Variants in ARHGAP11B observed in about 807,000 individuals in gnomAD.
The protein encoded by ARHGAP11B is inactive Rho GTPase-activating protein 11B.
A neutral mutation model predicts 27.6 loss-of-function variants in ARHGAP11B; 14 were observed. The observed-to-expected ratio is 0.51, with a 90% CI of 0.34 to 0.79. ARHGAP11B has a LOEUF of 0.79. ARHGAP11B is among the 30% of genes least tolerant of loss of function. The pLI is 0.02. For missense variants in ARHGAP11B, 245 were observed against 320.1 expected, an observed-to-expected ratio of 0.77 and a Z score of 1.79; for synonymous variants, 82 against 114.1, an observed-to-expected ratio of 0.72 and a Z score of 1.80.
chr15:30,640,413 T>TA (rs2060308403), intron 7 of ARHGAP11B, among the ~76,000 whole-genome samples: 1 of 121,600 alleles, frequency 8.2e-6, no homozygotes, highest in Non-Finnish European at 1.7e-5. Flanking sequence ...CAGAGAGTAA[T>TA]AGAGTATGAT....
At chr15:30,636,801 C>T (rs187906501) in intron 6 of ARHGAP11B, among the ~76,000 whole-genome samples, 7 of 152,166 alleles carry the variant, frequency 4.6e-5, no homozygotes, top group African/African-American at 1.2e-4. Context: ...GGCTTGCAGC[C>T]GCGTCACTCC....
Position 30,633,487 on chromosome 15 carries a change from C to G in ARHGAP11B, c.201-3C>G. The G allele has an allele frequency of 6.2e-7, 1 of 1,608,072 alleles. No individual in the cohort carries two copies. On this transcript the variant is annotated splice_region_variant and splice_polypyrimidine_tract_variant and intron_variant, in intron 2 of 10. Coordinates refer to ENST00000428041, the Ensembl canonical transcript of ARHGAP11B. Reference sequence around the variant, plus strand: ...TAGCCACCTGAAAAAATCTCTCTTTCAGCTTTCTTGTCGATGCTTGCACAT... The same window carrying G: ...TAGCCACCTGAAAAAATCTCTCTTTGAGCTTTCTTGTCGATGCTTGCACAT...
intron 7 of ARHGAP11B, among the ~76,000 whole-genome samples, chr15:30,639,969 A>T (rs2060304988): frequency 9.1e-6 from 1 of 110,220 alleles, no homozygotes; most frequent in Admixed American, 8.9e-5. Flanking sequence ...GTTTCAATAT[A>T]GAGTGTGTGT....
At chr15:30,636,951 C>T (rs556983733) in intron 6 of ARHGAP11B, among the ~76,000 whole-genome samples, 20 of 152,022 alleles carry the variant, frequency 1.3e-4, no homozygotes, top group South Asian at 2.1e-4. Context: ...AGTATGGTCA[C>T]CTTCATAGGA....
intron 9 of ARHGAP11B, among the ~76,000 whole-genome samples, chr15:30,647,143 T>A (rs1271468552): frequency 6.6e-6 from 1 of 151,896 alleles, no homozygotes; most frequent in Non-Finnish European, 1.5e-5. Context: ...CCCTAAGACA[T>A]TTTTTTCCTA....
At chr15:30,630,335 T>C (rs1475261933) in intron 1 of ARHGAP11B, among the ~76,000 whole-genome samples, 1 of 152,104 alleles carries the variant, frequency 6.6e-6, no homozygotes, top group East Asian at 1.9e-4. Flanking sequence ...TATAAGATCA[T>C]TAAAGCAACC....
At chr15:30,644,544 GTCC>G in intron 7 of ARHGAP11B, 1 of 677,138 alleles carries the variant, frequency 1.5e-6, no homozygotes, top group Non-Finnish European at 2.5e-6. Flanking sequence ...TTCTTTTTTT[GTCC>G]TCATTGATTT....
intron 1 of ARHGAP11B, 44 bp downstream of exon 1, chr15:30,626,993 A>G: frequency 1.2e-6 from 2 of 1,608,804 alleles, no homozygotes. Flanking sequence ...GAAAGGGCAC[A>G]CCCTTTATCA....
At chr15:30,643,049 A>G (rs150194034) in intron 7 of ARHGAP11B, among the ~76,000 whole-genome samples, 107 of 152,032 alleles carry the variant, frequency 7.0e-4, no homozygotes, top group African/African-American at 2.4e-3. Context: ...TGCTCCTTTT[A>G]CATTCTTTCT....
At chr15:30,637,796 C>T (rs890698876) in intron 6 of ARHGAP11B, among the ~76,000 whole-genome samples, 2 of 148,552 alleles carry the variant, frequency 1.3e-5, no homozygotes, top group Non-Finnish European at 3.0e-5. Context: ...ATCTACCCTA[C>T]ATATTGCTAT....
In ARHGAP11B at chr15:30,637,294, A is replaced by C. The variant is rs562304437; in HGVS notation, c.*4-1452A>C. ...TCCTCTTTATCCTGGTTCTGTGTGAATTCCATTTTCTTCTAACAGCACCAC... is the reference window on the plus strand; with the variant it reads ...TCCTCTTTATCCTGGTTCTGTGTGACTTCCATTTTCTTCTAACAGCACCAC... On this transcript the variant is annotated intron_variant, in intron 6 of 10. Coordinates refer to ENST00000428041, the Ensembl canonical transcript of ARHGAP11B. 3.8e-4 allele frequency among the ~76,000 whole-genome samples: 58 copies of C among 152,080 alleles called. 1 individual carries two copies. Among genetic ancestry groups the C allele is most frequent in the Non-Finnish European group, 7.8e-4 (53 of 67,968 alleles).
At chr15:30,643,620 G>C (rs572629476) in intron 7 of ARHGAP11B, among the ~76,000 whole-genome samples, 2 of 152,106 alleles carry the variant, frequency 1.3e-5, no homozygotes, top group African/African-American at 4.8e-5. Context: ...TATGACTCAA[G>C]TCCTTGACAC....
intron 7 of ARHGAP11B, among the ~76,000 whole-genome samples, chr15:30,640,838 T>TATAA (rs1426639865): frequency 2.0e-5 from 3 of 151,992 alleles, no homozygotes; most frequent in African/African-American, 7.2e-5. Flanking sequence ...CTGAAGCTTA[T>TATAA]GTCTGTAGCT....
intron 6 of ARHGAP11B, 54 bp from the exon 7 acceptor site, chr15:30,638,684 ATGAATTAT>A (rs2060296713): frequency 9.7e-7 from 1 of 1,032,074 alleles, no homozygotes; most frequent in Admixed American, 2.9e-5. Context: ...AAATATTAAT[ATGAATTAT>A]TGGTGAAAGA....
At chr15:30,637,122 T>C (rs1823699419) in intron 6 of ARHGAP11B, among the ~76,000 whole-genome samples, 2 of 151,824 alleles carry the variant, frequency 1.3e-5, no homozygotes, top group Admixed American at 6.6e-5. Flanking sequence ...GTTTCAGTTA[T>C]CACATCTAAA....
At chr15:30,626,490 G>A in exon 1 of ARHGAP11B, 1 of 342,340 alleles carries the variant, frequency 2.9e-6, no homozygotes. Flanking sequence ...AGAGAATCTG[G>A]CAATAGGCGA....
intron 3 of ARHGAP11B, 30 bp downstream of exon 3, chr15:30,633,616 AT>A (rs1426069830): frequency 6.3e-7 from 1 of 1,580,938 alleles, no homozygotes; most frequent in Non-Finnish European, 8.6e-7. Context: ...ATAATTTTTC[AT>A]TTGAGCCATT....
intron 3 of ARHGAP11B, 93 bp downstream of exon 3, chr15:30,633,679 T>C: frequency 9.7e-7 from 1 of 1,028,922 alleles, no homozygotes; most frequent in Non-Finnish European, 1.4e-6. Context: ...ATATGAATAG[T>C]TGACAGAAAT....
chr15:30,647,403 G>A (rs1056411016), intron 9 of ARHGAP11B, among the ~76,000 whole-genome samples: 3 of 151,626 alleles, frequency 2.0e-5, no homozygotes, highest in African/African-American at 7.3e-5. Context: ...TACTTTTTTC[G>A]ATAGTTGGTG....
Sources: gnomAD v4.1 joint callset for allele counts (sites outside exome capture counted in the v4.1 genomes callset) on GRCh38, gnomAD v4.1.1 for gene constraint, MANE v1.5 for transcripts, NCBI Gene and HGNC (gene_info 2026-07-23, HGNC 2026-07-21) for gene names.